Variants in TFEC observed in about 807,000 individuals in gnomAD.
TFEC encodes the protein transcription factor EC, also known as class E basic helix-loop-helix protein 34.
TFEC carries 31 observed loss-of-function variants against 41.6 expected under a neutral mutation model. That is an observed-to-expected ratio of 0.74 (90% confidence interval 0.56 to 1.01). TFEC has a LOEUF of 1.01. Among genes scored for constraint, TFEC ranks in the 50% least tolerant of loss-of-function variants. TFEC has a pLI of 0.00. For missense variants in TFEC, 402 were observed against 404.1 expected (o/e 0.99, Z 0.04); for synonymous variants, 143 against 140.6 (o/e 1.02, Z -0.12).
At chr7:115,945,152 T>G (rs1389302867) in intron 6 of TFEC, among the ~76,000 whole-genome samples, 1 of 145,166 alleles carries the variant, frequency 6.9e-6, no homozygotes, top group Non-Finnish European at 1.5e-5. Flanking sequence ...TTTTTTTTTT[T>G]CAGATCCACT....
At chr7:115,947,772 T>A (rs1247483231) in intron 6 of TFEC, among the ~76,000 whole-genome samples, 2 of 3,352 alleles carry the variant, frequency 6.0e-4, no homozygotes, top group Non-Finnish European at 1.1e-3. Flanking sequence ...GGGTTGTTTG[T>A]TTTTTCTTGT....
chr7:116,052,659 T>A (rs1796338773), intron 3 of TFEC, among the ~76,000 whole-genome samples: 1 of 151,642 alleles, frequency 6.6e-6, no homozygotes, highest in Non-Finnish European at 1.5e-5. Context: ...AATCTCTTGA[T>A]CTCGTGATCC....
chr7:115,943,414 G>C (rs997036743), intron 6 of TFEC, among the ~76,000 whole-genome samples: 1 of 151,666 alleles, frequency 6.6e-6, no homozygotes, highest in Non-Finnish European at 1.5e-5. Flanking sequence ...CTTGAGGACA[G>C]AGAAACAGAT....
At chr7:115,957,672 T>C (rs1327986538) in intron 3 of TFEC, among the ~76,000 whole-genome samples, 1 of 151,930 alleles carries the variant, frequency 6.6e-6, no homozygotes, top group Non-Finnish European at 1.5e-5. Context: ...TGTGAGTATC[T>C]TTCTTCCACT....
chr7:116,113,800 A>C (rs765660090), intron 1 of TFEC, among the ~76,000 whole-genome samples: 5 of 151,984 alleles, frequency 3.3e-5, no homozygotes, highest in Non-Finnish European at 1.5e-5. Flanking sequence ...TCTTTCCCAA[A>C]ATGTTCACTT....
intron 1 of TFEC, among the ~76,000 whole-genome samples, chr7:116,019,057 G>A (rs1374742482): frequency 1.3e-5 from 2 of 151,988 alleles, no homozygotes; most frequent in African/African-American, 4.8e-5. Context: ...GCAGGCCAAA[G>A]AGTGAGGAAA....
chr7:116,122,606 T>C (rs145886438), intron 1 of TFEC, among the ~76,000 whole-genome samples: 2,823 of 152,202 alleles, frequency 0.019, 35 homozygotes, highest in Non-Finnish European at 0.027. Context: ...CCAGGCCCTT[T>C]AGCAAGTTAT....
At chr7:116,075,299 A>C (rs1016411289) in intron 3 of TFEC, among the ~76,000 whole-genome samples, 6 of 152,292 alleles carry the variant, frequency 3.9e-5, no homozygotes, top group Middle Eastern at 3.4e-3. Flanking sequence ...ACCCACCCGG[A>C]TAGACAGAGC....
chr7:115,940,820 C>T lies in TFEC; in HGVS notation c.775G>A (p.Val259Ile). ...KQQSHPEQNS[V>I]DYCQQLTVSQ... ...ACAGTCAGTTGTTGGCAATAGTCTA[C>T]TGAATTCTGCTCAGGATGGCTCTGC... Residue 259 changes from valine (V) to isoleucine (I), a missense_variant, in exon 8 of 8, where the codon GTA (valine) becomes ATA (isoleucine). Coordinates refer to ENST00000265440, the MANE Select transcript of TFEC (RefSeq NM_012252.4). 6.2e-7 allele frequency: 1 copy of T among 1,613,536 alleles called. No individual in the cohort carries two copies. Among genetic ancestry groups the T allele is most frequent in the Non-Finnish European group, 8.5e-7 (1 of 1,179,614 alleles).
intron 3 of TFEC, among the ~76,000 whole-genome samples, chr7:116,098,184 G>T (rs1224941991): frequency 1.3e-5 from 2 of 151,820 alleles, no homozygotes; most frequent in Non-Finnish European, 2.9e-5. Flanking sequence ...TTTTGAGACG[G>T]AGTCTCACTC....
upstream of TFEC, among the ~76,000 whole-genome samples, chr7:116,035,211 A>C (rs973370685): frequency 2.0e-5 from 3 of 151,950 alleles, no homozygotes; most frequent in Non-Finnish European, 1.5e-5. Flanking sequence ...TTTGACTCCA[A>C]ATTCTCTAGG....
intron 1 of TFEC, among the ~76,000 whole-genome samples, chr7:116,132,816 G>A (rs1368915373): frequency 1.3e-5 from 2 of 152,170 alleles, no homozygotes; most frequent in Non-Finnish European, 2.9e-5. Context: ...GGAAAAAAGT[G>A]AGAAATCTTT....
intron 3 of TFEC, among the ~76,000 whole-genome samples, chr7:116,093,802 A>C (rs188838870): frequency 6.6e-6 from 1 of 152,324 alleles, no homozygotes; most frequent in East Asian, 1.9e-4. Context: ...CCTTGGGGGA[A>C]ATGCAAGCTC....
chr7:116,141,511 G>T lies in TFEC; in HGVS notation c.-69+18279C>A, dbSNP rs561371346. Among the ~76,000 whole-genome samples, 14 of 152,284 alleles carry T rather than the reference G, an allele frequency of 9.2e-5. 1 individual carries two copies. Among genetic ancestry groups the T allele is most frequent in the Admixed American group, 6.5e-4 (10 of 15,292 alleles). ...AACATGCTCAGTACAACTGGACAAA[G>T]GTAAAACAGACAGAGTCCCTTGGGT... On this transcript the variant is annotated intron_variant, in intron 1 of 8. Transcript: ENST00000484212.
chr7:116,018,976 G>A (rs747509841), intron 1 of TFEC, among the ~76,000 whole-genome samples: 8 of 152,164 alleles, frequency 5.3e-5, no homozygotes, highest in Non-Finnish European at 1.2e-4. Flanking sequence ...GGCCAGAAGT[G>A]ACTCTAATTA....
At chr7:116,045,047 G>C (rs60080872) in intron 3 of TFEC, among the ~76,000 whole-genome samples, 2,875 of 152,308 alleles carry the variant, frequency 0.019, 87 homozygotes, top group African/African-American at 0.066. Flanking sequence ...TTGCTGAAAA[G>C]ATACCCGAAA....
chr7:115,968,716 T>C (rs1280093645), intron 3 of TFEC, among the ~76,000 whole-genome samples: 2 of 151,828 alleles, frequency 1.3e-5, no homozygotes, highest in Admixed American at 6.6e-5. Flanking sequence ...TAGGATTCTA[T>C]AGTTCTATGC....
chr7:116,011,510 A>G (rs1398495518), intron 1 of TFEC, among the ~76,000 whole-genome samples: 2 of 152,224 alleles, frequency 1.3e-5, no homozygotes, highest in Non-Finnish European at 2.9e-5. Flanking sequence ...TTGAAGAAAT[A>G]GTATGAAGAA....
intron 3 of TFEC, among the ~76,000 whole-genome samples, chr7:115,963,700 C>T (rs543970553): frequency 2.0e-5 from 3 of 151,634 alleles, no homozygotes; most frequent in South Asian, 2.1e-4. Context: ...ATATGAGGTA[C>T]CTAGAATAGT....
Sources: allele counts gnomAD v4.1 joint callset (sites outside exome capture counted in the v4.1 genomes callset), GRCh38; gene constraint gnomAD v4.1.1; transcripts MANE v1.5; gene names NCBI Gene and HGNC (gene_info 2026-07-23, HGNC 2026-07-21).